ACSM3: variants seen among roughly 807,000 people sequenced by gnomAD.
ACSM3 encodes the protein acyl-CoA synthetase medium chain family member 3, also known as acyl-coenzyme A synthetase ACSM3, mitochondrial.
In ACSM3, 61 loss-of-function variants were observed where a neutral mutation model predicts 74.1. The ratio of observed to expected loss-of-function variants is 0.82; its 90% CI spans 0.67 to 1.02. The LOEUF (loss-of-function observed/expected upper bound fraction) is 1.02. ACSM3 is among the 50% of genes least tolerant of loss of function. The probability of loss-of-function intolerance (pLI) is 0.00; values close to 1 mark genes in which losing one functional copy is unlikely to be tolerated. For missense variants in ACSM3, 660 were observed against 697.0 expected (o/e 0.95, Z 0.60); for synonymous variants, 213 against 241.5 (o/e 0.88, Z 1.09).
chr16:20,784,792 T>C (rs1297843300), intron 7 of ACSM3, among the ~76,000 whole-genome samples, 192 bp from the exon 8 acceptor site: 2 of 152,192 alleles, frequency 1.3e-5, no homozygotes, highest in African/African-American at 4.8e-5. Flanking sequence ...CTTTTTAATA[T>C]CTTTATTTTT....
intron 1 of ACSM3, chr16:20,681,894 A>C (rs577324591): frequency 5.8e-6 from 1 of 172,854 alleles, no homozygotes; most frequent in African/African-American, 2.4e-5. Flanking sequence ...AGGCATTGTG[A>C]AGACCCTGTT....
At chr16:20,776,569 C>T (rs1449836729) in intron 3 of ACSM3, among the ~76,000 whole-genome samples, 1 of 152,182 alleles carries the variant, frequency 6.6e-6, no homozygotes, top group African/African-American at 2.4e-5. Flanking sequence ...TCCATTTATC[C>T]TTTGAGAAAA....
At chr16:20,718,461 C>A (rs768360264) in intron 1 of ACSM3, 2 of 496,010 alleles carry the variant, frequency 4.0e-6, no homozygotes, top group Non-Finnish European at 6.4e-6. Flanking sequence ...ACTCTCAGAG[C>A]AGCTTCAGCA....
chr16:20,789,056 T>C (rs534756557), intron 9 of ACSM3, among the ~76,000 whole-genome samples: 2 of 152,328 alleles, frequency 1.3e-5, no homozygotes, highest in South Asian at 4.1e-4. Context: ...AAGCAGAATT[T>C]TGATACTTAG....
chr16:20,776,191 G>A (rs888864479), intron 3 of ACSM3, 142 bp downstream of exon 3: 10 of 857,716 alleles, frequency 1.2e-5, no homozygotes, highest in African/African-American at 1.7e-5. Flanking sequence ...AAGTTAGGCC[G>A]TGGTAGGCTA....
At chr16:20,789,456 G>C in intron 9 of ACSM3, 1 of 1,557,594 alleles carries the variant, frequency 6.4e-7, no homozygotes, top group African/African-American at 1.4e-5. Context: ...GAGGGTAAGA[G>C]AGCAAGGCTG....
chr16:20,674,583 T>A (rs915879721), upstream of ACSM3: 6 of 152,416 alleles, frequency 3.9e-5, no homozygotes, highest in African/African-American at 1.4e-4. Flanking sequence ...CATCGGTCTC[T>A]CTGATTCCTA....
At chr16:20,741,990 G>C in intron 1 of ACSM3, 1 of 1,509,984 alleles carries the variant, frequency 6.6e-7, no homozygotes, top group Non-Finnish European at 8.8e-7. Context: ...AGGCAGCATA[G>C]CAGCCATTCT....
At chr16:20,767,003 G>A (rs2080133150) in intron 1 of ACSM3, among the ~76,000 whole-genome samples, 1 of 152,096 alleles carries the variant, frequency 6.6e-6, no homozygotes, top group Non-Finnish European at 1.5e-5. Flanking sequence ...AGAGCAAAGT[G>A]GGCAGCTTTG....
intron 1 of ACSM3, chr16:20,736,883 T>C (rs1238927176): frequency 4.3e-6 from 7 of 1,612,162 alleles, no homozygotes; most frequent in African/African-American, 4.0e-5. Flanking sequence ...TGACTTCCTA[T>C]GAGAAGTCAT....
chr16:20,682,442 G>C (rs2152311450), intron 1 of ACSM3: 1 of 1,613,646 alleles, frequency 6.2e-7, no homozygotes, highest in Non-Finnish European at 8.5e-7. Context: ...CAACAGGATG[G>C]TCGCAGGAAT....
intron 1 of ACSM3, among the ~76,000 whole-genome samples, chr16:20,765,686 A>G (rs995581132): frequency 3.9e-5 from 6 of 152,350 alleles, no homozygotes; most frequent in Non-Finnish European, 8.8e-5. Flanking sequence ...CAGGTCTGGC[A>G]TATACCAAGT....
In ACSM3 at chr16:20,752,380, C is replaced by G. The variant is rs186773585; in HGVS notation, c.-96+2377C>G. 4.5e-3 allele frequency among the ~76,000 whole-genome samples: 690 copies of G among 152,246 alleles called. 6 individuals carry two copies. Among genetic ancestry groups the G allele is most frequent in the African/African-American group, 0.015 (639 of 41,538 alleles). Reference sequence around the variant, plus strand: ...ACTTCTGCTCCGTATAAGGAATGGTCCCAACCCTAGTTGCTGTTCCTTGCC... The same window carrying G: ...ACTTCTGCTCCGTATAAGGAATGGTGCCAACCCTAGTTGCTGTTCCTTGCC... On this transcript the variant is annotated intron_variant, in intron 2 of 3. Coordinates refer to the ACSM3 transcript ENST00000561584.
upstream of ACSM3, among the ~76,000 whole-genome samples, chr16:20,762,287 T>G (rs1341043639): frequency 6.6e-6 from 1 of 151,962 alleles, no homozygotes; most frequent in Admixed American, 6.6e-5. Context: ...AAAACACTGT[T>G]TTTTCCCTGT....
At chr16:20,777,777 C>T (rs2080273981) in intron 4 of ACSM3, among the ~76,000 whole-genome samples, 197 bp downstream of exon 4, 1 of 152,052 alleles carries the variant, frequency 6.6e-6, no homozygotes, top group East Asian at 1.9e-4. Context: ...GTTGGGATCC[C>T]CTGAGATTGG....
Position 20,744,454 on chromosome 16 carries a change from G to A in ACSM3, c.-189-5456G>A, listed in dbSNP as rs1026959987. Among the ~76,000 whole-genome samples the A allele has an allele frequency of 4.6e-5, 7 of 152,074 alleles. No homozygotes were observed. The East Asian group carries it at 5.8e-4, about 13-fold the overall frequency. On this transcript the variant is annotated intron_variant, in intron 1 of 3. Transcript: ENST00000561584. ...GGATGGAGTGCACTGGTGCAGTCTCGGCTCACTGCAACGTCCACTTACTGG... is the reference window on the plus strand; with the variant it reads ...GGATGGAGTGCACTGGTGCAGTCTCAGCTCACTGCAACGTCCACTTACTGG...
At chr16:20,680,855 G>A (rs994718117) in intron 1 of ACSM3, 2 of 152,210 alleles carry the variant, frequency 1.3e-5, no homozygotes, top group Non-Finnish European at 1.5e-5. Flanking sequence ...TGGGCATATT[G>A]GCAACTGCCA....
At chr16:20,729,832 T>G (rs1185399115) in intron 1 of ACSM3, among the ~76,000 whole-genome samples, 3 of 152,090 alleles carry the variant, frequency 2.0e-5, no homozygotes, top group African/African-American at 7.2e-5. Context: ...AGTATTCAAG[T>G]ACAGCCACAT....
rs567379822 is a variant in ACSM3, at chr16:20,738,210, G to A, written c.-189-11700G>A. The stretch of plus-strand genomic sequence containing the variant: ...AGAAATGACTGTTTAGGTAGACACC[G>A]TTGTTAACATTTTTGTGATGTCCTG... On this transcript the variant is annotated intron_variant, in intron 1 of 3. Coordinates refer to the ACSM3 transcript ENST00000561584. The A allele has an allele frequency of 3.2e-3, 1,675 of 517,604 alleles. 5 individuals are homozygous for A. Among genetic ancestry groups the A allele is most frequent in the Non-Finnish European group, 4.5e-3 (1,205 of 270,408 alleles). 32.1% of individuals were successfully genotyped at this position (517,604 alleles called of 1,614,324 possible).
Sources: gnomAD v4.1 joint callset for allele counts (sites outside exome capture counted in the v4.1 genomes callset) on GRCh38, gnomAD v4.1.1 for gene constraint, MANE v1.5 for transcripts, NCBI Gene and HGNC (gene_info 2026-07-23, HGNC 2026-07-21) for gene names.